CSMD3: variants seen among roughly 807,000 people sequenced by gnomAD.
CSMD3 encodes the protein CUB and sushi domain-containing protein 3.
CSMD3 carries 177 observed loss-of-function variants against 435.2 expected under a neutral mutation model. The observed-to-expected ratio is 0.41, with a 90% CI of 0.36 to 0.46. CSMD3 has a LOEUF of 0.46. Ranked by LOEUF, CSMD3 falls within the 20% of genes least tolerant of loss-of-function variation. The pLI, the probability that CSMD3 is intolerant of heterozygous loss-of-function variation, is 0.34. For missense variants in CSMD3, 4,265 were observed against 4,504.6 expected (o/e 0.95, Z 1.52); for synonymous variants, 1,656 against 1,520.5 (o/e 1.09, Z -2.07).
intron 32 of CSMD3, among the ~76,000 whole-genome samples, chr8:112,457,447 C>T (rs1816953219): frequency 6.6e-6 from 1 of 152,084 alleles, no homozygotes; most frequent in African/African-American, 2.4e-5. Context: ...ACAGCATGCT[C>T]TGTGACCCAT....
At chr8:112,876,739 T>C (rs2081293613) in intron 10 of CSMD3, among the ~76,000 whole-genome samples, 1 of 152,122 alleles carries the variant, frequency 6.6e-6, no homozygotes, top group African/African-American at 2.4e-5. Flanking sequence ...TTCAACATAG[T>C]ATTGGAAGTT....
intron 12 of CSMD3, among the ~76,000 whole-genome samples, chr8:112,803,985 C>T (rs2079021291): frequency 6.6e-6 from 1 of 152,152 alleles, no homozygotes; most frequent in Non-Finnish European, 1.5e-5. Context: ...GTTCATCACC[C>T]TCCACAAATA....
At chr8:112,830,542 CAGAA>C (rs1564004062) in intron 11 of CSMD3, among the ~76,000 whole-genome samples, 1 of 151,764 alleles carries the variant, frequency 6.6e-6, no homozygotes. Flanking sequence ...AGAATCAGTA[CAGAA>C]AGAAATTACA....
chr8:112,737,976 T>G (rs1181383673), intron 13 of CSMD3, among the ~76,000 whole-genome samples: 1 of 151,900 alleles, frequency 6.6e-6, no homozygotes, highest in Non-Finnish European at 1.5e-5. Flanking sequence ...ACTCATTTAT[T>G]TTTAGAACTG....
chr8:112,455,663 A>G (rs1355671787), intron 32 of CSMD3, among the ~76,000 whole-genome samples: 6 of 152,132 alleles, frequency 3.9e-5, no homozygotes, highest in Non-Finnish European at 5.9e-5. Context: ...AGTCAGGGAA[A>G]TTTACAGTGA....
At chr8:113,285,604 T>A (rs1292483938) in intron 2 of CSMD3, among the ~76,000 whole-genome samples, 1 of 152,122 alleles carries the variant, frequency 6.6e-6, no homozygotes, top group Non-Finnish European at 1.5e-5. Flanking sequence ...TTAGCAAAGA[T>A]ATTTCCCGAC....
chr8:112,232,044 C>T (rs1813137619), intron 68 of CSMD3, among the ~76,000 whole-genome samples: 1 of 152,130 alleles, frequency 6.6e-6, no homozygotes, highest in African/African-American at 2.4e-5. Flanking sequence ...TGGGCTTGGT[C>T]CTGTGACTTG....
At chr8:113,008,994 T>G (rs2131114017) in intron 6 of CSMD3, among the ~76,000 whole-genome samples, 1 of 151,632 alleles carries the variant, frequency 6.6e-6, no homozygotes, top group Non-Finnish European at 1.5e-5. Flanking sequence ...ATATTTTATA[T>G]AGATTATATG....
At chr8:113,024,819 C>T (rs1278141516) in intron 5 of CSMD3, among the ~76,000 whole-genome samples, 2 of 152,084 alleles carry the variant, frequency 1.3e-5, no homozygotes, top group East Asian at 3.9e-4. Context: ...TTTAGTGTAT[C>T]CATCACTGGA....
chr8:113,255,043 A>G (rs2093367956), intron 3 of CSMD3, among the ~76,000 whole-genome samples: 1 of 152,166 alleles, frequency 6.6e-6, no homozygotes, highest in Non-Finnish European at 1.5e-5. Context: ...CTGAAAAGGC[A>G]AGGACAAGCA....
chr8:113,107,141 G>C (rs1040014383), intron 4 of CSMD3, among the ~76,000 whole-genome samples: 7 of 152,110 alleles, frequency 4.6e-5, no homozygotes, highest in African/African-American at 1.7e-4. Context: ...CCATTAAAAG[G>C]CACTACAGCA....
intron 30 of CSMD3, among the ~76,000 whole-genome samples, chr8:112,495,069 C>A (rs941971548): frequency 2.0e-5 from 3 of 152,094 alleles, no homozygotes; most frequent in African/African-American, 7.2e-5. Context: ...ATGAAAGAAC[C>A]AGCAGGGTAA....
chr8:113,265,974 A>T (rs1458564520), intron 3 of CSMD3, among the ~76,000 whole-genome samples: 1 of 151,548 alleles, frequency 6.6e-6, no homozygotes, highest in African/African-American at 2.4e-5. Context: ...ATGAAAATCC[A>T]TTAACTTTTT....
intron 3 of CSMD3, among the ~76,000 whole-genome samples, chr8:113,234,366 C>T (rs1179942098): frequency 2.6e-5 from 4 of 152,060 alleles, no homozygotes; most frequent in Admixed American, 2.6e-4. Context: ...ATGATGTCAG[C>T]CTGCACAATA....
chr8:112,505,192 G>A (rs1041991581), intron 29 of CSMD3, among the ~76,000 whole-genome samples: 1 of 152,052 alleles, frequency 6.6e-6, no homozygotes, highest in Non-Finnish European at 1.5e-5. Context: ...CCCCTCTAAC[G>A]TGAGAAAATT....
intron 27 of CSMD3, among the ~76,000 whole-genome samples, chr8:112,535,136 C>T (rs1361465085): frequency 9.2e-5 from 14 of 152,018 alleles, no homozygotes. Flanking sequence ...TCTCTCACCA[C>T]TCCTATTCAA....
At chr8:113,082,870 A>G (rs1186318210) in intron 5 of CSMD3, among the ~76,000 whole-genome samples, 1 of 152,146 alleles carries the variant, frequency 6.6e-6, no homozygotes, top group African/African-American at 2.4e-5. Context: ...TTCTGAACTT[A>G]AAGACAAGTC....
rs370857649 is a variant in CSMD3 at position 112,503,781 on chromosome 8, C to T, written c.5083+9G>A. Reference sequence around the variant, plus strand: ...AATCATGATACTAACATGGAATGTTCATATTTACCTTTGTATTCTAGATGA... The same window carrying T: ...AATCATGATACTAACATGGAATGTTTATATTTACCTTTGTATTCTAGATGA... On this transcript the variant is annotated intron_variant, in intron 30 of 70. Coordinates refer to ENST00000297405, the MANE Select transcript of CSMD3 (RefSeq NM_198123.2). 71 of 1,584,398 alleles carry T rather than the reference C, an allele frequency of 4.5e-5. No homozygotes were observed. The highest frequency in any genetic ancestry group is 3.5e-4 in the African/African-American group (26 of 74,406).
chr8:112,947,793 A>T lies in CSMD3; in HGVS notation c.1505T>A (p.Phe502Tyr), dbSNP rs781578574. Residue 502 changes from phenylalanine to tyrosine, a missense_variant, in exon 9 of 71, where the codon TTT (phenylalanine) becomes TAT (tyrosine). This residue lies in a region of CSMD3 where 731 missense variants were observed against 755.4 expected (regional missense o/e 0.97). Coordinates refer to ENST00000297405, the MANE Select transcript of CSMD3 (RefSeq NM_198123.2). ...PENGKRIGSD[F>Y]SLGSTVQFSC... ...AGTCAATATTTTAAAATATTACCTA[A>T]AATCTGATCCGATTCTCTTCCCATT... is the stretch of plus-strand genomic sequence containing the variant. 4 of 1,332,680 alleles carry T rather than the reference A, an allele frequency of 3.0e-6. No individual in the cohort carries two copies. The Admixed American group carries it at 6.7e-5, about 22-fold the overall frequency. The allele number at this position is 1,332,680 out of a possible 1,614,324, so 82.6% of individuals were successfully genotyped here.
Sources: gnomAD v4.1 joint callset for allele counts (sites outside exome capture counted in the v4.1 genomes callset) on GRCh38, gnomAD v4.1.1 for gene constraint, gnomAD v4.1.1 regional missense constraint, MANE v1.5 for transcripts, NCBI Gene and HGNC (gene_info 2026-07-23, HGNC 2026-07-21) for gene names.